The following NEMP2 variants were observed in gnomAD, a reference collection of about 807,000 sequenced individuals.
NEMP2 encodes nuclear envelope integral membrane protein 2, also known as UPF0571 transmembrane protein.
A neutral mutation model predicts 54.2 loss-of-function variants in NEMP2; 53 were observed. The ratio of observed to expected loss-of-function variants is 0.98; its 90% CI spans 0.78 to 1.23. The LOEUF is 1.23. Among genes scored for constraint, NEMP2 ranks in the 50% most tolerant of loss-of-function variants. The probability of loss-of-function intolerance (pLI) is 0.00; values close to 1 mark genes in which losing one functional copy is unlikely to be tolerated. For missense variants in NEMP2, 455 were observed against 511.3 expected (o/e 0.89, Z 1.06); for synonymous variants, 197 against 190.3 (o/e 1.04, Z -0.29).
At position 190,523,474 on chromosome 2, in the gene NEMP2, T is replaced by C. The variant is rs930298789; in HGVS notation, c.213+1789A>G. Among the ~76,000 whole-genome samples the C allele has an allele frequency of 1.3e-5, 2 of 152,204 alleles. No homozygotes were observed. The highest frequency in any genetic ancestry group is 6.5e-5 in the Admixed American group (1 of 15,282). On this transcript the variant is annotated intron_variant, in intron 2 of 8. Coordinates refer to ENST00000409150, the MANE Select transcript of NEMP2 (RefSeq NM_001142645.2). This position sits in a 1 kb window ranked among gnomAD's most constrained non-coding sequence, Gnocchi z 5.3. ...GAAAACTAGCATGAACCCTGTGGTA[T>C]TGGAGATCTCAGAACTCACGGTTTC...
chr2:190,510,607 G>C lies in NEMP2; in HGVS notation c.954-70C>G. ...CTTAAGATTTACAAAAATAGGCCAG[G>C]CTCGGTGGCTCACGCCTGTAATCCA... On this transcript the variant is annotated intron_variant, in intron 7 of 8. Coordinates refer to ENST00000409150, the MANE Select transcript of NEMP2 (RefSeq NM_001142645.2). This position sits in a 1 kb window ranked among gnomAD's most constrained non-coding sequence, Gnocchi z 5.7. The C allele has an allele frequency of 1.3e-6, 2 of 1,500,938 alleles. No individual in the cohort carries two copies. Among genetic ancestry groups the C allele is most frequent in the Non-Finnish European group, 1.8e-6 (2 of 1,105,630 alleles). The allele number at this position is 1,500,938 out of a possible 1,614,324, so 93.0% of individuals were successfully genotyped here.
chr2:190,553,441 A>AC, the NEMP2 span: 1 of 152,332 alleles, frequency 6.6e-6, no homozygotes, highest in South Asian at 2.1e-4. Context: ...CTCCCAGAGG[A>AC]CCCACAGGGT....
In NEMP2 at chr2:190,509,117, C is replaced by T. The variant is rs1049557091; in HGVS notation, c.*72G>A. The stretch of plus-strand genomic sequence containing the variant: ...GCCACCGTTCACTAGAACAGTTCTG[C>T]CTAACTTTAATAGAATCCCTGCCCT... On this transcript the variant is annotated 3_prime_UTR_variant, in exon 9 of 9. Transcript: ENST00000409150. This position sits in a 1 kb window ranked among gnomAD's most constrained non-coding sequence, Gnocchi z 6.1. 1.3e-6 allele frequency: 2 copies of T among 1,534,044 alleles called. No homozygotes were observed. The highest frequency in any genetic ancestry group is 2.8e-5 in the African/African-American group (2 of 72,394).
At chr2:190,444,783 G>C in the NEMP2 span, 3 of 309,594 alleles carry the variant, frequency 9.7e-6, no homozygotes, top group Admixed American at 6.5e-5. Flanking sequence ...TGAGTATTAG[G>C]GTGCTAAAAC....
the NEMP2 span, among the ~76,000 whole-genome samples, chr2:190,430,063 T>C: frequency 6.6e-6 from 1 of 151,632 alleles, no homozygotes; most frequent in African/African-American, 2.4e-5. Flanking sequence ...GTTCTCATTG[T>C]TCAATTTCCA....
At chr2:190,446,648 T>C in the NEMP2 span, among the ~76,000 whole-genome samples, 1 of 152,084 alleles carries the variant, frequency 6.6e-6, no homozygotes, top group Non-Finnish European at 1.5e-5. Flanking sequence ...TAATGAAACA[T>C]GGACTACGAA....
chr2:190,439,289 A>C, the NEMP2 span, among the ~76,000 whole-genome samples: 1 of 152,104 alleles, frequency 6.6e-6, no homozygotes, highest in Non-Finnish European at 1.5e-5. This position sits in a 1 kb window ranked among gnomAD's most constrained non-coding sequence, Gnocchi z 5.8. Flanking sequence ...ATTATTTAAT[A>C]AGTCAATAGC....
chr2:190,428,057 C>G, the NEMP2 span, among the ~76,000 whole-genome samples: 2 of 152,154 alleles, frequency 1.3e-5, no homozygotes, highest in Non-Finnish European at 2.9e-5. Flanking sequence ...AATACCATAA[C>G]TTAGTTTTGC....
chr2:190,472,404 A>G, the NEMP2 span, among the ~76,000 whole-genome samples: 1 of 152,248 alleles, frequency 6.6e-6, no homozygotes, highest in Admixed American at 6.5e-5. Context: ...GACCTGATGG[A>G]GCTGAAAACC....
At chr2:190,574,973 G>A in the NEMP2 span, among the ~76,000 whole-genome samples, 1 of 151,910 alleles carries the variant, frequency 6.6e-6, no homozygotes, top group African/African-American at 2.4e-5. Flanking sequence ...TCCTGCCTCA[G>A]CCTCCCAAGT....
the NEMP2 span, among the ~76,000 whole-genome samples, chr2:190,459,920 A>G: frequency 7.9e-4 from 121 of 152,320 alleles, no homozygotes; most frequent in African/African-American, 2.9e-3. The surrounding 1 kb of genome is among the most constrained non-coding windows in gnomAD (Gnocchi z 5.3). Flanking sequence ...CTGACATACA[A>G]TGTGATTCTT....
At chr2:190,449,842 C>T in the NEMP2 span, among the ~76,000 whole-genome samples, 5 of 151,440 alleles carry the variant, frequency 3.3e-5, no homozygotes, top group African/African-American at 7.3e-5. Context: ...GGGAGGGGAA[C>T]ATCACACTCT....
At chr2:190,617,570 G>A in the NEMP2 span, among the ~76,000 whole-genome samples, 1 of 152,176 alleles carries the variant, frequency 6.6e-6, no homozygotes, top group South Asian at 2.1e-4. This position sits in a 1 kb window ranked among gnomAD's most constrained non-coding sequence, Gnocchi z 5.0. Flanking sequence ...TTTGCCTGCA[G>A]AGAGTTTCCA....
chr2:190,607,374 C>T, the NEMP2 span, among the ~76,000 whole-genome samples: 14 of 152,180 alleles, frequency 9.2e-5, no homozygotes, highest in African/African-American at 3.4e-4. The surrounding 1 kb of genome is among the most constrained non-coding windows in gnomAD (Gnocchi z 5.2). Context: ...ACTGCGTTTG[C>T]ATACTGGAAT....
the NEMP2 span, among the ~76,000 whole-genome samples, chr2:190,450,923 G>A: frequency 3.9e-5 from 6 of 152,186 alleles, no homozygotes; most frequent in South Asian, 4.1e-4. Flanking sequence ...TGCGCATTGT[G>A]GTTGCTGAGT....
At position 190,507,584 on chromosome 2, in the gene NEMP2, A is replaced by G. The variant is rs1690222537; in HGVS notation, c.*1605T>C. On this transcript the variant is annotated 3_prime_UTR_variant, in exon 9 of 9. Coordinates refer to ENST00000409150, the MANE Select transcript of NEMP2 (RefSeq NM_001142645.2). The surrounding 1 kb of genome is among the most constrained non-coding windows in gnomAD (Gnocchi z 4.4). ...TCATAAAATAGTTACCATAAATCTG[A>G]ATGGAAAATATATCCTTTGGTTTTT... is the stretch of plus-strand genomic sequence containing the variant. 6.6e-6 allele frequency: 1 copy of G among 152,200 alleles called. No individual in the cohort carries two copies. The highest frequency in any genetic ancestry group is 6.5e-5 in the Admixed American group (1 of 15,286). 9.4% of individuals were successfully genotyped at this position (152,200 alleles called of 1,614,324 possible).
At chr2:190,535,026 G>C (rs1691324519), upstream of NEMP2, 1 of 185,492 alleles carries the variant, frequency 5.4e-6, no homozygotes, top group Non-Finnish European at 1.1e-5. Context: ...GCAGGGGTGG[G>C]AGTTGCAGAG....
chr2:190,621,793 A>G, the NEMP2 span, among the ~76,000 whole-genome samples: 3 of 152,186 alleles, frequency 2.0e-5, no homozygotes, highest in Non-Finnish European at 4.4e-5. Context: ...CAATTCAAGG[A>G]GAAAGACTAT....
rs984081732 is a variant in NEMP2, at chr2:190,510,753, C to T, written c.954-216G>A. Among the ~76,000 whole-genome samples, 5 of 151,712 alleles carry T rather than the reference C, an allele frequency of 3.3e-5. No individual in the cohort carries two copies. The highest frequency in any genetic ancestry group is 2.1e-4 in the South Asian group (1 of 4,790). On this transcript the variant is annotated intron_variant, in intron 7 of 8. Coordinates refer to ENST00000409150, the MANE Select transcript of NEMP2 (RefSeq NM_001142645.2). The surrounding 1 kb of genome is among the most constrained non-coding windows in gnomAD (Gnocchi z 5.7). ...AAAATTAGCTGAGCATGGTGGTGGT[C>T]GCCTGTAGTCCCAGCTACTTGGGAG...
Sources: gnomAD v4.1 joint callset for allele counts (sites outside exome capture counted in the v4.1 genomes callset) on GRCh38, gnomAD v4.1.1 for gene constraint, Gnocchi (gnomAD v3.1) non-coding constraint, MANE v1.5 for transcripts, NCBI Gene and HGNC (gene_info 2026-07-23, HGNC 2026-07-21) for gene names.